The following SLC35D2 variants were observed in gnomAD, a reference collection of about 807,000 sequenced individuals.
SLC35D2 encodes nucleotide sugar transporter SLC35D2.
In SLC35D2, 43 loss-of-function variants were observed where a neutral mutation model predicts 41.8. The ratio of observed to expected loss-of-function variants is 1.03; its 90% confidence interval spans 0.81 to 1.33. The LOEUF (loss-of-function observed/expected upper bound fraction) is 1.33, where lower values mean the gene tolerates loss of function less well. Among genes scored for constraint, SLC35D2 ranks in the 40% most tolerant of loss-of-function variants. The pLI, the probability that SLC35D2 is intolerant of heterozygous loss-of-function variation, is 0.00. For synonymous variants in SLC35D2, 150 were observed against 163.9 expected, an observed-to-expected ratio of 0.92 and a Z score of 0.65; for missense variants, 380 against 408.4, an observed-to-expected ratio of 0.93 and a Z score of 0.60.
In SLC35D2 at chr9:96,360,138, T is replaced by C; in HGVS notation, c.347+16A>G. ...GAGGTGAGGAACTTTCCACCAGCCA[T>C]TATCCTATACTCTACCTTAATTTAC... On this transcript the variant is annotated intron_variant, in intron 4 of 11. Transcript: ENST00000253270. 1 of 1,601,358 alleles carries C rather than the reference T, an allele frequency of 6.2e-7. No homozygotes were observed. The highest frequency in any genetic ancestry group is 8.5e-7 in the Non-Finnish European group (1 of 1,170,536).
intron 1 of SLC35D2, among the ~76,000 whole-genome samples, chr9:96,382,466 TACAC>T (rs35402465): frequency 6.5e-4 from 87 of 133,086 alleles, no homozygotes; most frequent in South Asian, 9.8e-4. Context: ...AAAAATATTA[TACAC>T]ACACACACAC....
chr9:96,347,856 G>A (rs1829645383), intron 6 of SLC35D2, among the ~76,000 whole-genome samples: 2 of 152,168 alleles, frequency 1.3e-5, no homozygotes, highest in Non-Finnish European at 2.9e-5. Flanking sequence ...AAAGTGACCT[G>A]TGGTCATCCT....
chr9:96,367,219 C>CAAAAAAAAAAAAA (rs1171888357), intron 2 of SLC35D2, among the ~76,000 whole-genome samples: 1 of 71,000 alleles, frequency 1.4e-5, no homozygotes, highest in Non-Finnish European at 3.1e-5. Context: ...GACTCAGTCA[C>CAAAAAAAAAAAAA]AAAAAAAAAA....
At chr9:96,352,248 A>G (rs1723223338) in intron 4 of SLC35D2, 139 bp from the exon 5 acceptor site, 1 of 492,992 alleles carries the variant, frequency 2.0e-6, no homozygotes, top group Non-Finnish European at 3.7e-6. Context: ...ATCACATTAA[A>G]TAATAAAAAT....
chr9:96,374,842 T>C (rs1438191970), intron 1 of SLC35D2, among the ~76,000 whole-genome samples: 1 of 137,850 alleles, frequency 7.3e-6, no homozygotes, highest in Admixed American at 7.2e-5. Context: ...ACACTCCGCC[T>C]CAAAAAAAAA....
chr9:96,349,417 G>C (rs1829717049), intron 6 of SLC35D2, among the ~76,000 whole-genome samples: 1 of 152,114 alleles, frequency 6.6e-6, no homozygotes, highest in Non-Finnish European at 1.5e-5. Context: ...GGATATAGAA[G>C]CACCTGCACC....
chr9:96,352,207 C>T (rs1218712667), intron 4 of SLC35D2, 98 bp from the exon 5 acceptor site: 5 of 698,272 alleles, frequency 7.2e-6, no homozygotes, highest in Non-Finnish European at 1.2e-5. Context: ...TACTAATTTT[C>T]CAAATCAATT....
At chr9:96,354,924 G>A (rs1281453703) in intron 4 of SLC35D2, among the ~76,000 whole-genome samples, 1 of 151,610 alleles carries the variant, frequency 6.6e-6, no homozygotes, top group Non-Finnish European at 1.5e-5. Context: ...AAAACCAGGT[G>A]CAGTGGTTCA....
chr9:96,364,562 G>A lies in SLC35D2; in HGVS notation c.193-12C>T. The A allele has an allele frequency of 1.9e-6, 3 of 1,544,688 alleles. No homozygotes were observed. Among genetic ancestry groups the A allele is most frequent in the South Asian group, 2.3e-5 (2 of 88,784 alleles). On this transcript the variant is annotated splice_polypyrimidine_tract_variant and intron_variant, in intron 2 of 11. Coordinates refer to ENST00000253270, the MANE Select transcript of SLC35D2 (RefSeq NM_007001.3). ...ATGGTGGCTGCCATCTGAAGAAAAG[G>A]GGAGAGAGAAACTTCAGCAAAATAT...
intron 9 of SLC35D2, among the ~76,000 whole-genome samples, chr9:96,331,059 C>T (rs769014930): frequency 6.6e-6 from 1 of 152,148 alleles, no homozygotes; most frequent in Non-Finnish European, 1.5e-5. Context: ...TACCACGCCC[C>T]GCTGATTTTT....
At chr9:96,377,983 G>C (rs1375132485) in intron 1 of SLC35D2, among the ~76,000 whole-genome samples, 2 of 152,136 alleles carry the variant, frequency 1.3e-5, no homozygotes, top group Admixed American at 1.3e-4. Context: ...AACATCTTCG[G>C]GACAGAGTCA....
Position 96,368,282 on chromosome 9 carries a change from C to T in SLC35D2, c.182G>A (p.Gly61Glu). The change falls in exon 2 of 12, where the codon GGA becomes GAA. Residue 61 changes from glycine to glutamate, a missense_variant. Transcript: ENST00000253270. ...TYGFPSPIFLGIGQMAATIMI... is the reference protein window; with the variant it reads ...TYGFPSPIFLEIGQMAATIMI... ...TTTTTTTTCACTCACCTGTCCAATT[C>T]CAAGGAAAATTGGTGACGGGAAACT... is the stretch of plus-strand genomic sequence containing the variant. The T allele has an allele frequency of 6.2e-7, 1 of 1,607,132 alleles. No homozygotes were observed.
intron 5 of SLC35D2, among the ~76,000 whole-genome samples, chr9:96,351,446 G>A (rs1191436861): frequency 6.6e-6 from 1 of 151,688 alleles, no homozygotes; most frequent in Non-Finnish European, 1.5e-5. Flanking sequence ...TCCTGCTGGT[G>A]GATCTAGTTT....
intron 9 of SLC35D2, among the ~76,000 whole-genome samples, chr9:96,332,499 C>T (rs1469401482): frequency 6.6e-6 from 1 of 152,060 alleles, no homozygotes; most frequent in Non-Finnish European, 1.5e-5. Context: ...TTCATGTTGG[C>T]CGGGTTCAGT....
Position 96,321,284 on chromosome 9 carries a change from T to G in SLC35D2, c.972A>C (p.Lys324Asn). 1.2e-6 allele frequency: 2 copies of G among 1,613,946 alleles called. No individual in the cohort carries two copies. Among genetic ancestry groups the G allele is most frequent in the Non-Finnish European group, 1.7e-6 (2 of 1,179,910 alleles). The change falls in exon 12 of 12, where the codon AAA becomes AAC. Residue 324 changes from lysine (K) to asparagine (N), a missense_variant. By Grantham distance (94) the Lys-to-Asn change is moderately conservative. Coordinates refer to ENST00000253270, the MANE Select transcript of SLC35D2 (RefSeq NM_007001.3). ...FLTLSSQLKP[K>N]PVGEENICLD... ...AACAGATGTTTTCTTCACCCACAGG[T>G]TTAGGTTTTAACTGGCTGCTCAGTG...
intron 1 of SLC35D2, among the ~76,000 whole-genome samples, chr9:96,380,524 C>T (rs1831155107): frequency 6.6e-6 from 1 of 151,080 alleles, no homozygotes; most frequent in South Asian, 2.1e-4. Flanking sequence ...GTGGTGTGAT[C>T]TCAGCTCACT....
chr9:96,376,658 G>A (rs1017191037), intron 1 of SLC35D2, among the ~76,000 whole-genome samples: 14 of 149,164 alleles, frequency 9.4e-5, no homozygotes, highest in African/African-American at 3.0e-4. Flanking sequence ...CCATAATCCC[G>A]GCTACTCGGG....
intron 10 of SLC35D2, among the ~76,000 whole-genome samples, 182 bp from the exon 11 acceptor site, chr9:96,322,262 T>C (rs1828273244): frequency 6.6e-6 from 1 of 152,228 alleles, no homozygotes; most frequent in East Asian, 1.9e-4. Context: ...CTCACGCCTG[T>C]AATCCCAATA....
chr9:96,324,092 T>C lies in SLC35D2; in HGVS notation c.830A>G (p.Lys277Arg), dbSNP rs1422574911. 3.7e-6 allele frequency: 6 copies of C among 1,613,486 alleles called. No individual in the cohort carries two copies. The highest frequency in any genetic ancestry group is 4.2e-6 in the Non-Finnish European group (5 of 1,179,492). Reference sequence around the variant, plus strand: ...CCTTCCAAGTTTCCATCCACTCACCTTGATGGCTCCAACCACTGCTGTCGT... The same window carrying C: ...CCTTCCAAGTTTCCATCCACTCACCCTGATGGCTCCAACCACTGCTGTCGT... ...ALTTAVVGAIKNVSVAYIGIL... is the reference protein window; with the variant it reads ...ALTTAVVGAIRNVSVAYIGIL... The change falls in exon 10 of 12, where the codon AAG becomes AGG. Residue 277 changes from lysine (K) to arginine (R), a missense_variant and splice_region_variant. By Grantham distance (26) the Lys-to-Arg change is conservative. Coordinates refer to ENST00000253270, the MANE Select transcript of SLC35D2 (RefSeq NM_007001.3).
Sources: gnomAD v4.1 joint callset for allele counts (sites outside exome capture counted in the v4.1 genomes callset) on GRCh38, gnomAD v4.1.1 for gene constraint, MANE v1.5 for transcripts, NCBI Gene and HGNC (gene_info 2026-07-23, HGNC 2026-07-21) for gene names.